MARCHF1: variants seen among roughly 807,000 people sequenced by gnomAD.
MARCHF1 encodes membrane associated ring-CH-type finger 1, also known as E3 ubiquitin-protein ligase MARCHF1.
MARCHF1 carries 40 observed loss-of-function variants against 54.2 expected under a neutral mutation model. That is an observed-to-expected ratio of 0.74 (90% CI 0.57 to 0.96). The LOEUF (loss-of-function observed/expected upper bound fraction) is 0.96. Among genes scored for constraint, MARCHF1 ranks in the 40% least tolerant of loss-of-function variants. The probability of loss-of-function intolerance (pLI) is 0.00; values close to 1 mark genes in which losing one functional copy is unlikely to be tolerated. For missense variants in MARCHF1, 586 were observed against 656.5 expected, an observed-to-expected ratio of 0.89 and a Z score of 1.17; for synonymous variants, 236 against 236.3, an observed-to-expected ratio of 1.00 and a Z score of 0.01.
intron 9 of MARCHF1, among the ~76,000 whole-genome samples, chr4:163,539,516 A>C (rs1354925791): frequency 6.6e-6 from 1 of 152,204 alleles, no homozygotes; most frequent in Non-Finnish European, 1.5e-5. Flanking sequence ...TGGCTGATTC[A>C]GCTGTAGGTT....
chr4:163,594,246 T>G (rs1486499618), intron 7 of MARCHF1, among the ~76,000 whole-genome samples: 4 of 152,146 alleles, frequency 2.6e-5, no homozygotes, highest in Non-Finnish European at 5.9e-5. Flanking sequence ...TTTCAGTCAA[T>G]GCTTAGAAGT....
chr4:163,544,204 G>A (rs1157110084), intron 9 of MARCHF1, among the ~76,000 whole-genome samples: 1 of 152,134 alleles, frequency 6.6e-6, no homozygotes, highest in Non-Finnish European at 1.5e-5. Context: ...TCTACCCTCA[G>A]GGAACTTATT....
intron 2 of MARCHF1, among the ~76,000 whole-genome samples, chr4:164,043,563 A>C (rs1422103005): frequency 1.3e-5 from 2 of 152,046 alleles, no homozygotes; most frequent in Admixed American, 1.3e-4. Context: ...CTGTGATGGG[A>C]GGTGCTGCTG....
intron 1 of MARCHF1, among the ~76,000 whole-genome samples, chr4:164,347,561 G>A (rs192188979): frequency 2.6e-5 from 4 of 152,044 alleles, no homozygotes; most frequent in Middle Eastern, 3.4e-3. Context: ...AACTTGTTCC[G>A]TTTTCCAAAG....
At chr4:163,965,402 A>T (rs1048209031) in intron 3 of MARCHF1, among the ~76,000 whole-genome samples, 6 of 152,022 alleles carry the variant, frequency 3.9e-5, no homozygotes, top group East Asian at 1.9e-4. Flanking sequence ...TATTTTCAGC[A>T]TCCCCATTTT....
At chr4:164,107,331 G>T (rs1353077427) in intron 2 of MARCHF1, among the ~76,000 whole-genome samples, 1 of 152,006 alleles carries the variant, frequency 6.6e-6, no homozygotes, top group African/African-American at 2.4e-5. Flanking sequence ...TGGTAAAATA[G>T]ATCTAAAATA....
chr4:164,233,051 T>G (rs1732456759), intron 1 of MARCHF1, among the ~76,000 whole-genome samples: 1 of 152,184 alleles, frequency 6.6e-6, no homozygotes, highest in Admixed American at 6.6e-5. Context: ...AGAAGTAATT[T>G]CAGTGCCATA....
At chr4:164,048,478 G>GC (rs1294569119) in intron 2 of MARCHF1, among the ~76,000 whole-genome samples, 6 of 151,910 alleles carry the variant, frequency 3.9e-5, no homozygotes, top group Admixed American at 3.9e-4. Flanking sequence ...TGAATCTTCG[G>GC]CCAACAACTG....
chr4:163,934,483 C>T (rs1218888811), intron 3 of MARCHF1, among the ~76,000 whole-genome samples: 1 of 147,976 alleles, frequency 6.8e-6, no homozygotes, highest in Non-Finnish European at 1.5e-5. Context: ...TGCTTGAACC[C>T]AAAATTTGAA....
chr4:164,007,332 C>T lies in MARCHF1; in HGVS notation c.-247-18623G>A, dbSNP rs1348483044. Among the ~76,000 whole-genome samples, 11 of 113,568 alleles carry T rather than the reference C, an allele frequency of 9.7e-5. No individual in the cohort carries two copies. The South Asian group carries it at 1.7e-3, about 18-fold the overall frequency. 74.5% of individuals were successfully genotyped at this position (113,568 alleles called of 152,430 possible). On this transcript the variant is annotated intron_variant, in intron 2 of 9. Coordinates refer to ENST00000514618, the MANE Select transcript of MARCHF1 (RefSeq NM_001394959.1). ...CTGCACTCCAGCCTGGGCGACAGAG[C>T]GAGACTCCATCTCAAAAAAAAAAAA...
chr4:164,078,919 TA>T (rs35602415), intron 2 of MARCHF1, among the ~76,000 whole-genome samples: 48 of 147,770 alleles, frequency 3.2e-4, no homozygotes, highest in Admixed American at 6.7e-4. Context: ...TAAAGTATAA[TA>T]AAAAAAAAAG....
chr4:163,939,916 T>C (rs1751876337), intron 3 of MARCHF1, among the ~76,000 whole-genome samples: 1 of 152,200 alleles, frequency 6.6e-6, no homozygotes, highest in Non-Finnish European at 1.5e-5. Context: ...ATGGACTGAA[T>C]GTTTGTTTCT....
chr4:164,089,988 A>G (rs1392688318), intron 2 of MARCHF1, among the ~76,000 whole-genome samples: 2 of 151,562 alleles, frequency 1.3e-5, no homozygotes, highest in African/African-American at 4.8e-5. Context: ...CTGTAGAAAT[A>G]TAATAAAATA....
At position 163,886,776 on chromosome 4, in the gene MARCHF1, GATA is replaced by G. The variant is rs1487943284; in HGVS notation, c.-38-32610_-38-32608del. 1.3e-4 allele frequency among the ~76,000 whole-genome samples: 20 copies of G among 152,236 alleles called. No homozygotes were observed. In the East Asian group the frequency reaches 3.9e-3, roughly 29 times the overall value. ...GCAGAATACCTAAAAGATCCTTGAT[GATA>G]ATAAAGTCAAAGCCAAGAGCAACAC... On this transcript the variant is annotated intron_variant, in intron 3 of 9. Coordinates refer to ENST00000514618, the MANE Select transcript of MARCHF1 (RefSeq NM_001394959.1).
chr4:163,670,200 T>C (rs1342934844), intron 5 of MARCHF1, among the ~76,000 whole-genome samples: 2 of 152,052 alleles, frequency 1.3e-5, no homozygotes, highest in Non-Finnish European at 2.9e-5. Flanking sequence ...ATCAGAAAGA[T>C]AATTTTAGTT....
chr4:164,233,607 G>A (rs1194157046), intron 1 of MARCHF1, among the ~76,000 whole-genome samples: 1 of 152,084 alleles, frequency 6.6e-6, no homozygotes, highest in African/African-American at 2.4e-5. Context: ...TGATGTCCAT[G>A]CCTTTAAAAC....
chr4:163,842,115 C>A (rs556529818), intron 4 of MARCHF1, among the ~76,000 whole-genome samples: 30 of 151,920 alleles, frequency 2.0e-4, no homozygotes, highest in African/African-American at 7.0e-4. Flanking sequence ...ACAAATTAAG[C>A]CTAAAAAAGA....
chr4:164,025,026 A>G (rs1297121906), intron 2 of MARCHF1, among the ~76,000 whole-genome samples: 1 of 152,214 alleles, frequency 6.6e-6, no homozygotes. Context: ...ATTCAACAAG[A>G]AGGCTTAACT....
chr4:164,052,417 A>T (rs536774250), intron 2 of MARCHF1, among the ~76,000 whole-genome samples: 3 of 152,138 alleles, frequency 2.0e-5, no homozygotes, highest in Non-Finnish European at 4.4e-5. Flanking sequence ...CTGTAATCCC[A>T]CCTACTATGG....
Sources: allele counts gnomAD v4.1 joint callset (sites outside exome capture counted in the v4.1 genomes callset), GRCh38; gene constraint gnomAD v4.1.1; transcripts MANE v1.5; gene names NCBI Gene and HGNC (gene_info 2026-07-23, HGNC 2026-07-21).